RMND5A: variants seen among roughly 807,000 people sequenced by gnomAD.
RMND5A encodes the protein required for meiotic nuclear division 5 homolog A.
In RMND5A, 17 loss-of-function variants were observed where a neutral mutation model predicts 49.7. The observed-to-expected ratio is 0.34, with a 90% CI of 0.23 to 0.51. The LOEUF (loss-of-function observed/expected upper bound fraction) is 0.51, where lower values mean the gene tolerates loss of function less well. RMND5A is among the 20% of genes least tolerant of loss of function. The probability of loss-of-function intolerance (pLI) is 0.96; values close to 1 mark genes in which losing one functional copy is unlikely to be tolerated. For missense variants in RMND5A, 255 were observed against 471.3 expected, an observed-to-expected ratio of 0.54 and a Z score of 4.25; for synonymous variants, 156 against 167.7, an observed-to-expected ratio of 0.93 and a Z score of 0.54.
At chr2:86,756,564 G>A (rs1159901797) in intron 4 of RMND5A, among the ~76,000 whole-genome samples, 2 of 152,084 alleles carry the variant, frequency 1.3e-5, no homozygotes, top group East Asian at 1.9e-4. Context: ...AATAGAAATC[G>A]TCATTACAAC....
At chr2:86,742,044 G>A in intron 2 of RMND5A, among the ~76,000 whole-genome samples, 1 of 139,190 alleles carries the variant, frequency 7.2e-6, no homozygotes, top group South Asian at 2.5e-4. Context: ...CGCTGCTTGA[G>A]TCAGAACTAT....
At chr2:86,757,532 C>CA (rs1315723084) in intron 4 of RMND5A, among the ~76,000 whole-genome samples, 1 of 152,002 alleles carries the variant, frequency 6.6e-6, no homozygotes, top group Non-Finnish European at 1.5e-5. Context: ...GATAGAAAGC[C>CA]AAAAATAGTG....
At chr2:86,763,465 C>T (rs1672540664) in intron 4 of RMND5A, among the ~76,000 whole-genome samples, 1 of 152,130 alleles carries the variant, frequency 6.6e-6, no homozygotes, top group South Asian at 2.1e-4. Flanking sequence ...GGGGCATTCA[C>T]GAAAGACCAC....
rs1392709256 is a variant in RMND5A, at chr2:86,775,687, G to A, written c.*2276G>A. On this transcript the variant is annotated 3_prime_UTR_variant, in exon 9 of 9. Coordinates refer to ENST00000283632, the MANE Select transcript of RMND5A (RefSeq NM_022780.4). Reference sequence around the variant, plus strand: ...GGCCCGTGTACTCCCACTGGGCAGGGTGAGGACCAAAAATCTGAAACTCTT... The same window carrying A: ...GGCCCGTGTACTCCCACTGGGCAGGATGAGGACCAAAAATCTGAAACTCTT... 1 of 152,220 alleles carries A rather than the reference G, an allele frequency of 6.6e-6. No individual in the cohort carries two copies. The highest frequency in any genetic ancestry group is 1.5e-5 in the Non-Finnish European group (1 of 68,042). 9.4% of individuals were successfully genotyped at this position (152,220 alleles called of 1,614,324 possible).
In RMND5A at chr2:86,765,850, T is replaced by G. The variant is rs572803074; in HGVS notation, c.689-9T>G. On this transcript the variant is annotated splice_polypyrimidine_tract_variant and intron_variant, in intron 5 of 8. Transcript: ENST00000283632. ...CAAACTAATGCTTTCTTGCTGGTGC[T>G]TTTTTTAGACATTCAGGTTTTGATG... is the stretch of plus-strand genomic sequence containing the variant. 11 of 1,608,136 alleles carry G rather than the reference T, an allele frequency of 6.8e-6. No homozygotes were observed. The highest frequency in any genetic ancestry group is 1.7e-5 in the Admixed American group (1 of 59,306).
chr2:86,762,659 T>TA (rs1558725514), intron 4 of RMND5A, among the ~76,000 whole-genome samples: 1 of 136,082 alleles, frequency 7.3e-6, no homozygotes, highest in East Asian at 2.2e-4. Context: ...AAAAAAAATA[T>TA]TTTTTTATAT....
chr2:86,761,707 TTGTATTC>T (rs1430295485), intron 4 of RMND5A, among the ~76,000 whole-genome samples: 2 of 152,222 alleles, frequency 1.3e-5, no homozygotes, highest in African/African-American at 4.8e-5. Flanking sequence ...ATTTGAAAAC[TTGTATTC>T]TATGAATTTG....
intron 2 of RMND5A, among the ~76,000 whole-genome samples, chr2:86,748,690 A>T (rs1381309620): frequency 6.6e-6 from 1 of 152,192 alleles, no homozygotes; most frequent in Non-Finnish European, 1.5e-5. Flanking sequence ...AATTGAAGGG[A>T]TTATTTTGTT....
chr2:86,720,598 C>A lies in RMND5A; in HGVS notation c.-70C>A. The A allele has an allele frequency of 7.5e-7, 1 of 1,333,204 alleles. No homozygotes were observed. Among genetic ancestry groups the A allele is most frequent in the Non-Finnish European group, 9.7e-7 (1 of 1,032,434 alleles). 82.6% of individuals were successfully genotyped at this position (1,333,204 alleles called of 1,614,324 possible). On this transcript the variant is annotated 5_prime_UTR_variant, in exon 1 of 9. Transcript: ENST00000283632. ...TGGGGAACGAGGAGCAGGACGCGGCCTCGGTGGGGCCCGGGCCGAACGGCT... is the reference window on the plus strand; with the variant it reads ...TGGGGAACGAGGAGCAGGACGCGGCATCGGTGGGGCCCGGGCCGAACGGCT...
intron 4 of RMND5A, among the ~76,000 whole-genome samples, chr2:86,756,949 G>A (rs939165370): frequency 4.6e-5 from 7 of 152,192 alleles, no homozygotes; most frequent in African/African-American, 1.7e-4. Context: ...CAAGGCGGGC[G>A]AATCATCTGA....
chr2:86,767,991 G>T (rs566748012), intron 6 of RMND5A, among the ~76,000 whole-genome samples: 6 of 152,298 alleles, frequency 3.9e-5, no homozygotes, highest in Admixed American at 3.9e-4. Context: ...ATTCAGGAGA[G>T]TTGTGAGAGT....
chr2:86,765,419 A>G lies in RMND5A; in HGVS notation c.688+226A>G, dbSNP rs189985819. 4,120 of 429,202 alleles carry G rather than the reference A, an allele frequency of 9.6e-3. 30 individuals carry two copies. The highest frequency in any genetic ancestry group is 0.014 in the Non-Finnish European group (3,300 of 244,040). 26.6% of individuals were successfully genotyped at this position (429,202 alleles called of 1,614,324 possible). A position where few individuals can be genotyped will look rare whatever the true frequency, so the allele number is the denominator to read the frequency against. ...TGGAATTCCATATTAAACTTAGAGGAGATGTGAGAAAGAGCAAGGTGTGCA... is the reference window on the plus strand; with the variant it reads ...TGGAATTCCATATTAAACTTAGAGGGGATGTGAGAAAGAGCAAGGTGTGCA... On this transcript the variant is annotated intron_variant, in intron 5 of 8. Coordinates refer to ENST00000283632, the MANE Select transcript of RMND5A (RefSeq NM_022780.4).
At position 86,767,405 on chromosome 2, in the gene RMND5A, A is replaced by G. The variant is rs576966717; in HGVS notation, c.854+1381A>G. Among the ~76,000 whole-genome samples, 14 of 148,316 alleles carry G rather than the reference A, an allele frequency of 9.4e-5. No homozygotes were observed. The South Asian group carries it at 3.0e-3, about 32-fold the overall frequency. ...GGAAGAATCATTAACATAGTTACGC[A>G]CACTCAGGTTTTTGGCAGTCTTTTT... On this transcript the variant is annotated intron_variant, in intron 6 of 8. Coordinates refer to ENST00000283632, the MANE Select transcript of RMND5A (RefSeq NM_022780.4).
At chr2:86,764,491 G>A (rs146282140) in intron 4 of RMND5A, among the ~76,000 whole-genome samples, 128 of 152,266 alleles carry the variant, frequency 8.4e-4, no homozygotes, top group African/African-American at 3.0e-3. Context: ...ATTTTGCACA[G>A]TAAGATTTAC....
At chr2:86,762,374 G>A (rs1672508547) in intron 4 of RMND5A, among the ~76,000 whole-genome samples, 1 of 152,186 alleles carries the variant, frequency 6.6e-6, no homozygotes, top group Non-Finnish European at 1.5e-5. Context: ...GCTGGGCATG[G>A]TGGCTCACGC....
At chr2:86,744,101 T>G (rs1681496538) in intron 2 of RMND5A, among the ~76,000 whole-genome samples, 1 of 152,132 alleles carries the variant, frequency 6.6e-6, no homozygotes, top group Non-Finnish European at 1.5e-5. Flanking sequence ...TTCCCTAGTA[T>G]CTTTCAGTAC....
chr2:86,769,976 G>T (rs1558727661), intron 6 of RMND5A, 47 bp from the exon 7 acceptor site: 1 of 1,414,644 alleles, frequency 7.1e-7, no homozygotes, highest in African/African-American at 1.4e-5. Flanking sequence ...GGACCAAGCG[G>T]CCTGACCCCT....
Position 86,763,203 on chromosome 2 carries a change from A to G in RMND5A, c.522-1824A>G, listed in dbSNP as rs977878602. Among the ~76,000 whole-genome samples, 3 of 151,778 alleles carry G rather than the reference A, an allele frequency of 2.0e-5. No individual in the cohort carries two copies. In the East Asian group the frequency reaches 5.8e-4, roughly 29 times the overall value. Reference sequence around the variant, plus strand: ...TAAAATTAAAATTTGTAGTTACTCTATTAGCTCCAGTCTTTGACTTTACAA... The same window carrying G: ...TAAAATTAAAATTTGTAGTTACTCTGTTAGCTCCAGTCTTTGACTTTACAA... On this transcript the variant is annotated intron_variant, in intron 4 of 8. Coordinates refer to ENST00000283632, the MANE Select transcript of RMND5A (RefSeq NM_022780.4).
chr2:86,732,163 C>A (rs1447741719), intron 1 of RMND5A, among the ~76,000 whole-genome samples: 24 of 114,288 alleles, frequency 2.1e-4, no homozygotes, highest in East Asian at 1.2e-3. Context: ...GTAATTGACA[C>A]CTTTAAACTG....
Sources: allele counts gnomAD v4.1 joint callset (sites outside exome capture counted in the v4.1 genomes callset), GRCh38; gene constraint gnomAD v4.1.1; transcripts MANE v1.5; gene names NCBI Gene and HGNC (gene_info 2026-07-23, HGNC 2026-07-21).